The following PPFIBP1 variants were observed in gnomAD, a reference collection of about 807,000 sequenced individuals.
PPFIBP1 encodes the protein liprin-beta-1.
In PPFIBP1, 112 loss-of-function variants were observed where a neutral mutation model predicts 137.8. That is an observed-to-expected ratio of 0.81 (90% CI 0.70 to 0.95). The LOEUF is 0.95. PPFIBP1 is among the 40% of genes least tolerant of loss of function. The probability of loss-of-function intolerance (pLI) is 0.00; values close to 1 mark genes in which losing one functional copy is unlikely to be tolerated. For synonymous variants in PPFIBP1, 378 were observed against 417.3 expected (o/e 0.91, Z 1.15); for missense variants, 1,083 against 1,196.6 (o/e 0.91, Z 1.40).
chr12:27,680,211 A>G, intron 21 of PPFIBP1, 150 bp downstream of exon 21: 1 of 1,145,768 alleles, frequency 8.7e-7, no homozygotes, highest in Non-Finnish European at 1.2e-6. Context: ...GAGCCGTGCA[A>G]TTTGTCAATG....
chr12:27,598,800 T>A lies in PPFIBP1; in HGVS notation c.-36+20561T>A, dbSNP rs1424171788. Among the ~76,000 whole-genome samples the A allele has an allele frequency of 1.3e-5, 2 of 152,206 alleles. 1 individual carries two copies. The highest frequency in any genetic ancestry group is 2.9e-5 in the Non-Finnish European group (2 of 68,038). On this transcript the variant is annotated intron_variant, in intron 2 of 29. Transcript: ENST00000228425. ...AGGTCAGGGGATTTGGGGGTCCTCATTAACAATACGGCTCATGTTAATTTT... is the reference window on the plus strand; with the variant it reads ...AGGTCAGGGGATTTGGGGGTCCTCAATAACAATACGGCTCATGTTAATTTT...
At chr12:27,633,268 T>C (rs1394493077) in intron 2 of PPFIBP1, 94 bp from the exon 3 acceptor site, 6 of 820,292 alleles carry the variant, frequency 7.3e-6, no homozygotes, top group Non-Finnish European at 1.2e-5. Flanking sequence ...CATATTTGAC[T>C]ACACAGCAGA....
chr12:27,691,331 C>T (rs2061529903), intron 27 of PPFIBP1, among the ~76,000 whole-genome samples: 1 of 151,864 alleles, frequency 6.6e-6, no homozygotes, highest in Admixed American at 6.6e-5. Context: ...GTTTCAGCTA[C>T]TCCAGAGGCT....
chr12:27,613,573 T>C, intron 2 of PPFIBP1, among the ~76,000 whole-genome samples: 1 of 151,908 alleles, frequency 6.6e-6, no homozygotes, highest in Non-Finnish European at 1.5e-5. Context: ...CATGGTGGCA[T>C]GCACCTGTAA....
intron 4 of PPFIBP1, among the ~76,000 whole-genome samples, chr12:27,640,052 C>T (rs1398856390): frequency 6.6e-6 from 1 of 152,178 alleles, no homozygotes; most frequent in Non-Finnish European, 1.5e-5. Flanking sequence ...CTGAGTTATG[C>T]GGTGCCTCAC....
At chr12:27,685,568 A>G (rs1295128756) in intron 24 of PPFIBP1, among the ~76,000 whole-genome samples, 1 of 152,146 alleles carries the variant, frequency 6.6e-6, no homozygotes. Context: ...GCTTAAAATC[A>G]CAAGAAGCAT....
At chr12:27,614,040 C>T (rs1480811377) in intron 2 of PPFIBP1, among the ~76,000 whole-genome samples, 1 of 152,060 alleles carries the variant, frequency 6.6e-6, no homozygotes. Context: ...TTTTAGCAGA[C>T]ATTTGTCCCT....
intron 1 of PPFIBP1, among the ~76,000 whole-genome samples, chr12:27,543,880 C>CTTTTT (rs35787446): frequency 2.8e-5 from 3 of 105,808 alleles, no homozygotes; most frequent in African/African-American, 3.6e-5. Context: ...CCCGCCCCTG[C>CTTTTT]TTTTTTTTTT....
chr12:27,595,981 G>A (rs2053242416), intron 2 of PPFIBP1, among the ~76,000 whole-genome samples: 2 of 150,664 alleles, frequency 1.3e-5, no homozygotes, highest in Admixed American at 6.6e-5. Flanking sequence ...AAGGACGAAT[G>A]CATGGAGGTT....
At chr12:27,665,417 A>T (rs2059801160) in intron 12 of PPFIBP1, among the ~76,000 whole-genome samples, 1 of 152,176 alleles carries the variant, frequency 6.6e-6, no homozygotes, top group South Asian at 2.1e-4. Flanking sequence ...CAACTAAAGC[A>T]ACTGGGTAGA....
At chr12:27,639,623 A>G (rs1223563218) in intron 4 of PPFIBP1, among the ~76,000 whole-genome samples, 3 of 152,244 alleles carry the variant, frequency 2.0e-5, no homozygotes, top group African/African-American at 7.2e-5. Context: ...GGTGAATACT[A>G]ATGGTAGTAA....
rs550817462 is a variant in PPFIBP1 at position 27,654,943 on chromosome 12, T to G, written c.696+129T>G. 19 of 1,406,692 alleles carry G rather than the reference T, an allele frequency of 1.4e-5. No homozygotes were observed. The African/African-American group carries it at 2.5e-4, about 18-fold the overall frequency. 87.1% of individuals were successfully genotyped at this position (1,406,692 alleles called of 1,614,324 possible). A position where few individuals can be genotyped will look rare whatever the true frequency, so the allele number is the denominator to read the frequency against. On this transcript the variant is annotated intron_variant, in intron 8 of 29. Transcript: ENST00000228425. ...AGGTATTTTAAAAGTAAATGAAGAT[T>G]TCCCCCCAAGCTGGAAACCTTGAAT... is the stretch of plus-strand genomic sequence containing the variant.
intron 1 of PPFIBP1, among the ~76,000 whole-genome samples, chr12:27,542,772 T>G (rs1367841382): frequency 2.6e-5 from 4 of 152,194 alleles, no homozygotes; most frequent in African/African-American, 9.7e-5. Context: ...ATCCTTATGC[T>G]TAGAGAATTG....
In PPFIBP1 at chr12:27,654,743, G is replaced by T; in HGVS notation, c.625G>T (p.Asp209Tyr). The change falls in exon 8 of 30, where the codon GAT (aspartate) becomes TAT (tyrosine). Residue 209 changes from aspartate to tyrosine, a missense_variant. Asp to Tyr is a radical substitution (Grantham distance 160, BLOSUM62 -3). Transcript: ENST00000228425. ...DTEGLIQEIN[D>Y]LRLKVSEMDS... ...ACAGGGGCTGATTCAGGAGATCAAT[G>T]ATTTGAGGTTAAAAGTTAGTGAAAT... The T allele has an allele frequency of 2.5e-6, 4 of 1,611,364 alleles. No homozygotes were observed. The highest frequency in any genetic ancestry group is 2.5e-6 in the Non-Finnish European group (3 of 1,179,492).
chr12:27,531,503 A>T (rs1470629353), intron 1 of PPFIBP1, among the ~76,000 whole-genome samples: 1 of 150,212 alleles, frequency 6.7e-6, no homozygotes, highest in Non-Finnish European at 1.5e-5. Flanking sequence ...GGGTTTCACC[A>T]TCGTGGCCAG....
chr12:27,688,561 C>A, intron 26 of PPFIBP1, 138 bp downstream of exon 26: 1 of 1,052,306 alleles, frequency 9.5e-7, no homozygotes, highest in Non-Finnish European at 1.4e-6. Context: ...TAAACCTTTA[C>A]TTTCAGAGTA....
At position 27,596,108 on chromosome 12, in the gene PPFIBP1, A is replaced by ACG. The variant is rs55759359; in HGVS notation, c.-36+17869_-36+17870insCG. On this transcript the variant is annotated intron_variant, in intron 2 of 29. Transcript: ENST00000228425. ...CACACACACACACACACACACACAC[A>ACG]TATGCTTACAAATGGCAAAAAGCCA... is the stretch of plus-strand genomic sequence containing the variant. Among the ~76,000 whole-genome samples, 65 of 33,284 alleles carry ACG rather than the reference A, an allele frequency of 2.0e-3. 1 individual carries two copies. The highest frequency in any genetic ancestry group is 4.6e-3 in the Non-Finnish European group (49 of 10,728). The allele number at this position is 33,284 out of a possible 152,430, so 21.8% of individuals were successfully genotyped here. A position where few individuals can be genotyped will look rare whatever the true frequency, so the allele number is the denominator to read the frequency against.
intron 2 of PPFIBP1, among the ~76,000 whole-genome samples, chr12:27,609,648 A>G (rs2054879367): frequency 6.6e-6 from 1 of 152,112 alleles, no homozygotes; most frequent in Admixed American, 6.5e-5. Context: ...ATGGCATCCC[A>G]CTGTTTTTAG....
At chr12:27,582,062 A>G (rs2051184631) in intron 2 of PPFIBP1, among the ~76,000 whole-genome samples, 1 of 151,722 alleles carries the variant, frequency 6.6e-6, no homozygotes, top group African/African-American at 2.4e-5. Context: ...CAGTCTTTTC[A>G]TTCTCAGTTG....
Sources: gnomAD v4.1 joint callset for allele counts (sites outside exome capture counted in the v4.1 genomes callset) on GRCh38, gnomAD v4.1.1 for gene constraint, MANE v1.5 for transcripts, NCBI Gene and HGNC (gene_info 2026-07-23, HGNC 2026-07-21) for gene names.